Variants in NBEA observed in about 807,000 individuals in gnomAD.
The protein encoded by NBEA is lysosomal-trafficking regulator 2.
Under a neutral mutation model 343.4 loss-of-function variants are expected in NBEA, and 44 were observed. The observed-to-expected ratio is 0.13, with a 90% CI of 0.10 to 0.16. The LOEUF (loss-of-function observed/expected upper bound fraction) is 0.16. NBEA is among the 10% of genes least tolerant of loss of function. The probability of loss-of-function intolerance (pLI) is 1.00; values close to 1 mark genes in which losing one functional copy is unlikely to be tolerated. For missense variants in NBEA, 2,555 were observed against 3,631.3 expected (o/e 0.70, Z 7.62); for synonymous variants, 1,175 against 1,238.7 (o/e 0.95, Z 1.08).
chr13:35,547,839 A>G (rs2079130399), intron 41 of NBEA, among the ~76,000 whole-genome samples: 2 of 152,272 alleles, frequency 1.3e-5, no homozygotes, highest in South Asian at 2.1e-4. Context: ...CAGTGAGCCA[A>G]GATAACGCCA....
intron 1 of NBEA, among the ~76,000 whole-genome samples, chr13:34,957,566 T>C (rs559758954): frequency 2.4e-4 from 36 of 152,240 alleles, no homozygotes; most frequent in African/African-American, 8.2e-4. Flanking sequence ...CCTTAAGAGA[T>C]TGTAAACATG....
At chr13:35,336,225 A>G (rs952294464) in intron 36 of NBEA, among the ~76,000 whole-genome samples, 1 of 152,120 alleles carries the variant, frequency 6.6e-6, no homozygotes, top group Non-Finnish European at 1.5e-5. Context: ...AGAGAATGAG[A>G]TTTCAAGAAT....
At chr13:35,388,568 A>G (rs560527435) in intron 38 of NBEA, among the ~76,000 whole-genome samples, 2 of 152,308 alleles carry the variant, frequency 1.3e-5, no homozygotes, top group South Asian at 2.1e-4. Context: ...CAGTACTTTA[A>G]TATTTCCCCT....
chr13:34,959,560 G>T (rs1220144803), intron 1 of NBEA, among the ~76,000 whole-genome samples: 4 of 152,054 alleles, frequency 2.6e-5, no homozygotes, highest in Non-Finnish European at 5.9e-5. Context: ...CATTTTTAGG[G>T]TGACTGACAT....
chr13:35,398,825 T>C (rs2042867149), intron 38 of NBEA, among the ~76,000 whole-genome samples: 1 of 152,118 alleles, frequency 6.6e-6, no homozygotes, highest in African/African-American at 2.4e-5. Flanking sequence ...AGTTGTCAGC[T>C]GCATTAGCCC....
chr13:35,237,810 A>C (rs1341023001), intron 34 of NBEA, among the ~76,000 whole-genome samples: 1 of 152,172 alleles, frequency 6.6e-6, no homozygotes, highest in East Asian at 1.9e-4. Context: ...CTTAAGGCAC[A>C]CATTTATTTT....
chr13:35,446,298 G>T (rs966489435), intron 39 of NBEA, among the ~76,000 whole-genome samples: 3 of 152,124 alleles, frequency 2.0e-5, no homozygotes, highest in African/African-American at 7.2e-5. Flanking sequence ...TGTCTTTATA[G>T]CAGCATGATT....
At position 35,102,331 on chromosome 13, in the gene NBEA, T is replaced by C. The variant is rs190798476; in HGVS notation, c.1680+3926T>C. On this transcript the variant is annotated intron_variant, in intron 11 of 58. Transcript: ENST00000379939. ...TTTTAATTTGTATAGCTTTTTAGTA[T>C]GGCCTGATATTTAAGAGTATGTCAT... 2.1e-3 allele frequency among the ~76,000 whole-genome samples: 323 copies of C among 151,940 alleles called. 1 individual carries two copies. The highest frequency in any genetic ancestry group is 7.4e-3 in the African/African-American group (307 of 41,534).
chr13:35,019,032 G>A (rs1162714206), intron 1 of NBEA, among the ~76,000 whole-genome samples: 4 of 151,354 alleles, frequency 2.6e-5, no homozygotes, highest in Non-Finnish European at 5.9e-5. Flanking sequence ...CAGCTGATAT[G>A]GGGAATTATG....
chr13:35,116,488 A>G (rs1289701016), intron 13 of NBEA, among the ~76,000 whole-genome samples: 4 of 152,188 alleles, frequency 2.6e-5, no homozygotes, highest in Non-Finnish European at 5.9e-5. Flanking sequence ...GGGCAATAAA[A>G]GGTGGAGAGC....
intron 41 of NBEA, among the ~76,000 whole-genome samples, chr13:35,499,676 T>C (rs909464197): frequency 8.5e-5 from 13 of 152,248 alleles, no homozygotes; most frequent in Middle Eastern, 3.4e-3. Flanking sequence ...CTGCGTATCA[T>C]GCACCCGCTT....
intron 17 of NBEA, among the ~76,000 whole-genome samples, chr13:35,141,997 A>G (rs1317298596): frequency 4.6e-5 from 7 of 151,326 alleles, no homozygotes; most frequent in Admixed American, 4.6e-4. Flanking sequence ...TTTGAAAATA[A>G]TAACAATGAC....
Position 35,455,408 on chromosome 13 carries a change from AAAAG to A in NBEA, c.6448+3176_6448+3179del, listed in dbSNP as rs565751865. Among the ~76,000 whole-genome samples, 642 of 151,584 alleles carry A rather than the reference AAAAG, an allele frequency of 4.2e-3. 3 individuals are homozygous for A. The highest frequency in any genetic ancestry group is 0.015 in the African/African-American group (609 of 41,258). ...TCAATTTCTGTTTATAAAAAAAAAAAAAAGAAGAAGAGAAAGAAGAATATCTGGC... is the reference window on the plus strand; with the variant it reads ...TCAATTTCTGTTTATAAAAAAAAAAAAAGAAGAGAAAGAAGAATATCTGGC... On this transcript the variant is annotated intron_variant, in intron 40 of 58. Transcript: ENST00000379939.
At chr13:35,102,517 G>C (rs2065696067) in intron 11 of NBEA, among the ~76,000 whole-genome samples, 1 of 151,224 alleles carries the variant, frequency 6.6e-6, no homozygotes, top group Admixed American at 6.6e-5. Flanking sequence ...TTATATACTT[G>C]GTATATTCTT....
At chr13:35,074,704 T>C (rs1416215258) in intron 10 of NBEA, among the ~76,000 whole-genome samples, 1 of 152,164 alleles carries the variant, frequency 6.6e-6, no homozygotes, top group Non-Finnish European at 1.5e-5. Flanking sequence ...TTTTATTGTG[T>C]ATGTTTAAGG....
chr13:35,386,039 G>A (rs527642522), intron 38 of NBEA, among the ~76,000 whole-genome samples: 2 of 151,906 alleles, frequency 1.3e-5, no homozygotes, highest in Non-Finnish European at 2.9e-5. Flanking sequence ...CACATTTTCT[G>A]AATATATAAT....
chr13:35,535,326 G>GT (rs975376097), intron 41 of NBEA, among the ~76,000 whole-genome samples: 19 of 152,244 alleles, frequency 1.2e-4, no homozygotes, highest in African/African-American at 4.6e-4. Context: ...GTTTTGTTTT[G>GT]TTTTTTATGT....
intron 41 of NBEA, among the ~76,000 whole-genome samples, chr13:35,477,678 CTT>C (rs2075938110): frequency 6.6e-6 from 1 of 152,122 alleles, no homozygotes; most frequent in African/African-American, 2.4e-5. Flanking sequence ...TATCTCCTGT[CTT>C]AAGTGTCCTT....
chr13:35,630,185 A>C (rs1195153139), intron 49 of NBEA, among the ~76,000 whole-genome samples: 1 of 152,222 alleles, frequency 6.6e-6, no homozygotes, highest in Non-Finnish European at 1.5e-5. Context: ...GGGTTTAAAA[A>C]GAGATAACTG....
Sources: gnomAD v4.1 joint callset for allele counts (sites outside exome capture counted in the v4.1 genomes callset) on GRCh38, gnomAD v4.1.1 for gene constraint, MANE v1.5 for transcripts, NCBI Gene and HGNC (gene_info 2026-07-23, HGNC 2026-07-21) for gene names.